ZNF875: variants seen among roughly 807,000 people sequenced by gnomAD.
ZNF875 encodes zinc finger protein 875.
In ZNF875, 14 loss-of-function variants were observed where a neutral mutation model predicts 11.2. That is an observed-to-expected ratio of 1.26 (90% CI 0.83 to 1.96). The LOEUF (loss-of-function observed/expected upper bound fraction) is 1.96, where lower values mean the gene tolerates loss of function less well. ZNF875 is among the 30% of genes most tolerant of loss of function. ZNF875 has a pLI of 0.00. For synonymous variants in ZNF875, 301 were observed against 281.1 expected, an observed-to-expected ratio of 1.07 and a Z score of -0.71; for missense variants, 752 against 760.4, an observed-to-expected ratio of 0.99 and a Z score of 0.13.
chr19:37,315,037 TC>T (rs2030124440), upstream of ZNF875: 1 of 152,012 alleles, frequency 6.6e-6, no homozygotes, highest in South Asian at 2.1e-4. Context: ...TCCCTCCAGT[TC>T]CCCCCAACTC....
At chr19:37,352,528 G>A (rs1221992602) in intron 4 of ZNF875, among the ~76,000 whole-genome samples, 1 of 152,122 alleles carries the variant, frequency 6.6e-6, no homozygotes, top group Non-Finnish European at 1.5e-5. Flanking sequence ...ACAGACGTGA[G>A]CCACCATGTC....
upstream of ZNF875, among the ~76,000 whole-genome samples, chr19:37,332,167 C>T (rs1345490255): frequency 3.3e-5 from 5 of 149,422 alleles, no homozygotes; most frequent in East Asian, 2.0e-4. Flanking sequence ...CTGACACATC[C>T]GCCTCTTCGA....
In ZNF875 at chr19:37,363,578, A is replaced by G; in HGVS notation, c.1726A>G (p.Ile576Val). 6.2e-7 allele frequency: 1 copy of G among 1,613,702 alleles called. No homozygotes were observed. The highest frequency in any genetic ancestry group is 8.5e-7 in the Non-Finnish European group (1 of 1,179,754). The stretch of plus-strand genomic sequence containing the variant: ...AGGCTTTTGTGCTAAGTTAACTCTC[A>G]TTAAACACCAGAGAGCACACGCAGG... ...GQGFCAKLTLIKHQRAHAGGK... is the reference protein window; with the variant it reads ...GQGFCAKLTLVKHQRAHAGGK... Residue 576 changes from isoleucine to valine, a missense_variant, in exon 5 of 5, where the codon ATT becomes GTT. Physicochemically the swap from Ile to Val is conservative, Grantham distance 29 (BLOSUM62 3). Coordinates refer to ENST00000392153, the MANE Select transcript of ZNF875 (RefSeq NM_001353803.2).
intron 4 of ZNF875, among the ~76,000 whole-genome samples, chr19:37,356,867 C>T (rs1392144835): frequency 3.3e-5 from 5 of 152,110 alleles, no homozygotes; most frequent in African/African-American, 9.7e-5. Flanking sequence ...TTGTTGCAAT[C>T]GCTTTTGAGG....
At chr19:37,338,553 C>T (rs1241993989) in intron 2 of ZNF875, among the ~76,000 whole-genome samples, 1 of 152,090 alleles carries the variant, frequency 6.6e-6, no homozygotes, top group African/African-American at 2.4e-5. Flanking sequence ...AGTAGGTCTA[C>T]CCGGAACTGC....
chr19:37,348,009 T>C (rs1373991), intron 4 of ZNF875, 137 bp downstream of exon 4: 134,767 of 602,604 alleles, frequency 0.22, 18,543 homozygotes, highest in African/African-American at 0.48. Flanking sequence ...CATGGTCTTC[T>C]TTCCGGAACA....
chr19:37,334,382 T>C (rs1294582112), upstream of ZNF875, among the ~76,000 whole-genome samples: 1 of 152,194 alleles, frequency 6.6e-6, no homozygotes, highest in East Asian at 1.9e-4. Context: ...GGGACCACAT[T>C]TTGCAGAATC....
At position 37,344,529 on chromosome 19, in the gene ZNF875, G is replaced by A. The variant is rs558220551; in HGVS notation, c.34-2661G>A. 4.8e-5 allele frequency: 31 copies of A among 641,932 alleles called. 1 individual carries two copies. The highest frequency in any genetic ancestry group is 7.2e-5 in the South Asian group (4 of 55,658). 39.8% of individuals were successfully genotyped at this position (641,932 alleles called of 1,614,324 possible). On this transcript the variant is annotated intron_variant, in intron 2 of 4. Coordinates refer to ENST00000392153, the MANE Select transcript of ZNF875 (RefSeq NM_001353803.2). ...CCTGTGACTCCATCTTACAAATGAC[G>A]AAGTCTTTTGCTAGAATCCTACGGT...
chr19:37,360,935 TA>T (rs1406460593), intron 4 of ZNF875, among the ~76,000 whole-genome samples: 2 of 151,720 alleles, frequency 1.3e-5, no homozygotes, highest in Admixed American at 1.3e-4. Flanking sequence ...GAAATATAAT[TA>T]TTTTTTATAT....
intron 2 of ZNF875, 68 bp from the exon 3 acceptor site, chr19:37,347,122 C>G: frequency 6.2e-7 from 1 of 1,608,796 alleles, no homozygotes; most frequent in Non-Finnish European, 8.5e-7. Flanking sequence ...TGGCCTTGAC[C>G]TCTCATTCTA....
At chr19:37,319,314 G>A (rs1449947442) in intron 1 of ZNF875, among the ~76,000 whole-genome samples, 8 of 139,204 alleles carry the variant, frequency 5.7e-5, no homozygotes, top group African/African-American at 8.4e-5. Context: ...CCAAAGTGCT[G>A]GGATTACAGG....
At chr19:37,336,088 G>T (rs1360322359) in intron 2 of ZNF875, among the ~76,000 whole-genome samples, 1 of 152,252 alleles carries the variant, frequency 6.6e-6, no homozygotes, top group South Asian at 2.1e-4. Context: ...TGGATGAAGG[G>T]CAGGGACAGC....
intron 2 of ZNF875, among the ~76,000 whole-genome samples, chr19:37,340,514 C>T (rs1388640050): frequency 6.6e-6 from 1 of 152,048 alleles, no homozygotes; most frequent in Non-Finnish European, 1.5e-5. Flanking sequence ...TTTAGTGCCT[C>T]ATTTCAGTGT....
At chr19:37,333,550 AAAT>A (rs1475032619), upstream of ZNF875, among the ~76,000 whole-genome samples, 2 of 152,116 alleles carry the variant, frequency 1.3e-5, no homozygotes, top group East Asian at 3.9e-4. Flanking sequence ...GAAGATTTAC[AAAT>A]AATCTTTGAA....
intron 2 of ZNF875, among the ~76,000 whole-genome samples, chr19:37,339,462 A>G (rs2035206395): frequency 6.6e-6 from 1 of 151,900 alleles, no homozygotes; most frequent in African/African-American, 2.4e-5. Context: ...TTTTATTCTC[A>G]TACAAAATAT....
chr19:37,330,982 C>G (rs925282900), upstream of ZNF875, among the ~76,000 whole-genome samples: 7 of 151,794 alleles, frequency 4.6e-5, no homozygotes, highest in African/African-American at 1.7e-4. Context: ...GTCAGGAGAT[C>G]GAGACCATCC....
chr19:37,329,262 C>G (rs570861349), intron 4 of ZNF875, among the ~76,000 whole-genome samples: 1 of 152,150 alleles, frequency 6.6e-6, no homozygotes, highest in Non-Finnish European at 1.5e-5. Flanking sequence ...TTCAGAGCCT[C>G]GCACCACCCA....
chr19:37,318,281 T>C (rs2030448429), intron 1 of ZNF875: 1 of 152,268 alleles, frequency 6.6e-6, no homozygotes, highest in Non-Finnish European at 1.5e-5. Context: ...GAGGGAGTGA[T>C]CAGTAGGTTG....
chr19:37,351,565 A>T (rs886184088), intron 4 of ZNF875, among the ~76,000 whole-genome samples: 1 of 152,040 alleles, frequency 6.6e-6, no homozygotes, highest in African/African-American at 2.4e-5. Flanking sequence ...ATATCTGTAC[A>T]TTTATTTCTA....
Sources: allele counts gnomAD v4.1 joint callset (sites outside exome capture counted in the v4.1 genomes callset), GRCh38; gene constraint gnomAD v4.1.1; transcripts MANE v1.5; gene names NCBI Gene and HGNC (gene_info 2026-07-23, HGNC 2026-07-21).